The following NUP210L variants were observed in gnomAD, a reference collection of about 807,000 sequenced individuals.
NUP210L encodes the protein nucleoporin 210 like.
A neutral mutation model predicts 208.5 loss-of-function variants in NUP210L; 74 were observed. The ratio of observed to expected loss-of-function variants is 0.35; its 90% confidence interval spans 0.29 to 0.43. The LOEUF is 0.43. Among genes scored for constraint, NUP210L ranks in the 20% least tolerant of loss-of-function variants. The pLI is 1.00. For missense variants in NUP210L, 1,843 were observed against 2,289.4 expected, an observed-to-expected ratio of 0.81 and a Z score of 3.98; for synonymous variants, 780 against 816.9, an observed-to-expected ratio of 0.95 and a Z score of 0.77.
chr1:154,066,415 T>A (rs778389212), intron 17 of NUP210L, among the ~76,000 whole-genome samples: 3 of 152,190 alleles, frequency 2.0e-5, no homozygotes, highest in South Asian at 2.1e-4. Context: ...ATTGAGAACA[T>A]CCTGGCTAAC....
At chr1:154,044,409 AAAAAAAAAAAAG>A (rs1201588297) in intron 27 of NUP210L, among the ~76,000 whole-genome samples, 1 of 148,282 alleles carries the variant, frequency 6.7e-6, no homozygotes, top group African/African-American at 2.5e-5. Context: ...CTCTGTCTCA[AAAAAAAAAAAAG>A]AAAAAGAAAA....
Position 154,138,403 on chromosome 1 carries a change from A to G in NUP210L, c.718-165T>C, listed in dbSNP as rs138143988. 9.2e-5 allele frequency among the ~76,000 whole-genome samples: 14 copies of G among 152,348 alleles called. No homozygotes were observed. In the East Asian group the frequency reaches 2.7e-3, roughly 29 times the overall value. On this transcript the variant is annotated intron_variant, in intron 5 of 39. Coordinates refer to ENST00000368559, the Ensembl canonical transcript of NUP210L. ...ACAAGTCATAATTTCAGCTAGCCTT[A>G]AAAAGTGATTATGAATCTTAATACC...
At chr1:154,111,932 T>C (rs1657058401) in intron 12 of NUP210L, among the ~76,000 whole-genome samples, 1 of 151,430 alleles carries the variant, frequency 6.6e-6, no homozygotes, top group East Asian at 1.9e-4. Context: ...TTTTTTTGTT[T>C]TGTTTTGTTT....
chr1:154,125,449 C>T (rs1315023475), intron 10 of NUP210L, among the ~76,000 whole-genome samples: 3 of 150,680 alleles, frequency 2.0e-5, no homozygotes, highest in Admixed American at 1.3e-4. Context: ...GACTCTGCCT[C>T]GAAAAACTAA....
chr1:154,055,122 C>CTTTTCTTTCT (rs1653749682), intron 23 of NUP210L, among the ~76,000 whole-genome samples: 6 of 118,610 alleles, frequency 5.1e-5, no homozygotes, highest in African/African-American at 1.8e-4. Flanking sequence ...CTCTTTCTTT[C>CTTTTCTTTCT]TTTTCTTTCT....
In NUP210L at chr1:154,025,733, G is replaced by A. The variant is rs773207371; in HGVS notation, c.3948-17C>T. On this transcript the variant is annotated splice_polypyrimidine_tract_variant and intron_variant, in intron 29 of 39. Coordinates refer to ENST00000368559, the Ensembl canonical transcript of NUP210L. Reference sequence around the variant, plus strand: ...GCTCCTTCCCTAGGGAACAAGGAAAGGAAGTGGCATCTTTTTGGGGTCCTG... The same window carrying A: ...GCTCCTTCCCTAGGGAACAAGGAAAAGAAGTGGCATCTTTTTGGGGTCCTG... 51 of 1,605,904 alleles carry A rather than the reference G, an allele frequency of 3.2e-5. No homozygotes were observed. Among genetic ancestry groups the A allele is most frequent in the Non-Finnish European group, 3.7e-5 (44 of 1,175,238 alleles).
intron 29 of NUP210L, 150 bp from the exon 30 acceptor site, chr1:154,025,866 A>G (rs567454926): frequency 1.3e-4 from 76 of 603,992 alleles, no homozygotes; most frequent in Middle Eastern, 4.9e-4. Context: ...TCCTCAGGTA[A>G]AAGTCTGCCT....
chr1:154,103,488 C>T lies in NUP210L; in HGVS notation c.1819+524G>A, dbSNP rs1317249935. Among the ~76,000 whole-genome samples the T allele has an allele frequency of 3.3e-5, 5 of 150,472 alleles. No individual in the cohort carries two copies. In the East Asian group the frequency reaches 5.9e-4, roughly 18 times the overall value. ...GAGATCGAGACCATCCTGGCTAACA[C>T]GGTGAAACCCCGTCTCTACTAAAAA... On this transcript the variant is annotated intron_variant, in intron 13 of 39. Transcript: ENST00000368559.
At chr1:154,103,589 G>A (rs1428229566) in intron 13 of NUP210L, among the ~76,000 whole-genome samples, 2 of 133,952 alleles carry the variant, frequency 1.5e-5, no homozygotes, top group Non-Finnish European at 3.2e-5. Flanking sequence ...GGAGAATGGC[G>A]TGAACCCGGG....
chr1:154,131,910 T>TTC (rs1460803553), intron 7 of NUP210L, among the ~76,000 whole-genome samples: 2 of 152,198 alleles, frequency 1.3e-5, no homozygotes, highest in Non-Finnish European at 2.9e-5. Context: ...GTTCATGCGA[T>TTC]TCTCCTGCCT....
chr1:154,040,818 C>G lies in NUP210L; in HGVS notation c.3696+5251G>C, dbSNP rs562354557. Among the ~76,000 whole-genome samples the G allele has an allele frequency of 3.9e-5, 6 of 152,244 alleles. No individual in the cohort carries two copies. The East Asian group carries it at 1.2e-3, about 29-fold the overall frequency. ...ATGTTAGCCAAGATGGTCTTGATCT[C>G]CTGACCTCGTGATCCGCCCGCCTCG... On this transcript the variant is annotated intron_variant, in intron 27 of 39. Coordinates refer to ENST00000368559, the Ensembl canonical transcript of NUP210L.
At chr1:154,079,183 G>A (rs145849238) in intron 16 of NUP210L, among the ~76,000 whole-genome samples, 11 of 152,162 alleles carry the variant, frequency 7.2e-5, no homozygotes, top group East Asian at 5.8e-4. Context: ...CACTTGAGCC[G>A]AAGAGTTCAA....
intron 37 of NUP210L, among the ~76,000 whole-genome samples, chr1:153,997,772 C>T (rs1008138622): frequency 1.0e-4 from 15 of 148,254 alleles, no homozygotes; most frequent in African/African-American, 3.7e-4. Flanking sequence ...CTCACTGCAA[C>T]CTCCGCCTCC....
intron 27 of NUP210L, among the ~76,000 whole-genome samples, chr1:154,044,762 T>G (rs1253714721): frequency 6.6e-6 from 1 of 152,144 alleles, no homozygotes; most frequent in Non-Finnish European, 1.5e-5. Context: ...CCCATGTCCT[T>G]TTTCCTAAGG....
At chr1:154,071,339 T>C (rs910991166) in intron 16 of NUP210L, among the ~76,000 whole-genome samples, 1 of 152,002 alleles carries the variant, frequency 6.6e-6, no homozygotes, top group African/African-American at 2.4e-5. Context: ...AGGTGGTATT[T>C]GGTTACAAGT....
Position 154,022,001 on chromosome 1 carries a change from C to T in NUP210L, c.4516+125G>A, listed in dbSNP as rs561473877. 7.0e-6 allele frequency: 6 copies of T among 863,150 alleles called. No individual in the cohort carries two copies. In the East Asian group the frequency reaches 7.5e-5, roughly 11 times the overall value. 53.5% of individuals were successfully genotyped at this position (863,150 alleles called of 1,614,324 possible). On this transcript the variant is annotated intron_variant, in intron 32 of 39. Transcript: ENST00000368559. ...CTCTCCAGCTTGGCCTCCCAAAGGG[C>T]TGAGATTATGGGTATAAACCACTAT... is the stretch of plus-strand genomic sequence containing the variant.
intron 15 of NUP210L, among the ~76,000 whole-genome samples, chr1:154,093,932 C>T (rs1056922072): frequency 6.6e-6 from 1 of 152,160 alleles, no homozygotes; most frequent in African/African-American, 2.4e-5. Context: ...GGGTGGATCA[C>T]TTGATTCCAG....
chr1:154,040,680 A>C (rs1418285251), intron 27 of NUP210L, among the ~76,000 whole-genome samples: 1 of 150,046 alleles, frequency 6.7e-6, no homozygotes, highest in Non-Finnish European at 1.5e-5. Context: ...TCTGCCTCCC[A>C]GGTTCACGCC....
chr1:154,079,924 G>A (rs1655233630), intron 16 of NUP210L: 3 of 152,198 alleles, frequency 2.0e-5, no homozygotes, highest in African/African-American at 7.2e-5. Flanking sequence ...AAAGCTCACA[G>A]GCAAGGATGC....
Sources: allele counts gnomAD v4.1 joint callset (sites outside exome capture counted in the v4.1 genomes callset), GRCh38; gene constraint gnomAD v4.1.1; transcripts MANE v1.5; gene names NCBI Gene and HGNC (gene_info 2026-07-23, HGNC 2026-07-21).